The following VWA8 variants were observed in gnomAD, a reference collection of about 807,000 sequenced individuals.
The protein encoded by VWA8 is von Willebrand factor A domain containing 8.
A neutral mutation model predicts 241.5 loss-of-function variants in VWA8; 221 were observed. The ratio of observed to expected loss-of-function variants is 0.91; its 90% CI spans 0.82 to 1.02. The LOEUF (loss-of-function observed/expected upper bound fraction) is 1.02. Ranked by LOEUF, VWA8 falls within the 50% of genes least tolerant of loss-of-function variation. The pLI, the probability that VWA8 is intolerant of heterozygous loss-of-function variation, is 0.00. For synonymous variants in VWA8, 852 were observed against 827.1 expected (o/e 1.03, Z -0.52); for missense variants, 2,322 against 2,328.7 (o/e 1.00, Z 0.06).
At chr13:41,751,272 G>C (rs183894618) in intron 21 of VWA8, among the ~76,000 whole-genome samples, 1 of 152,176 alleles carries the variant, frequency 6.6e-6, no homozygotes, top group African/African-American at 2.4e-5. Flanking sequence ...AAAAAGGGGG[G>C]GCAGTAGAAG....
rs146803754 is a variant in VWA8 at position 41,610,081 on chromosome 13, A to G, written c.4877+1495T>C. Among the ~76,000 whole-genome samples the G allele has an allele frequency of 1.1e-3, 175 of 152,226 alleles. 1 individual carries two copies. The highest frequency in any genetic ancestry group is 3.9e-3 in the African/African-American group (163 of 41,546). ...TGTGTGTGCCAGAACACTCTTATCT[A>G]CCTGTCCACTTGGGCAAAAAATTAG... On this transcript the variant is annotated intron_variant, in intron 39 of 44. Transcript: ENST00000379310.
intron 2 of VWA8, among the ~76,000 whole-genome samples, chr13:41,928,339 C>A (rs896856617): frequency 2.6e-5 from 4 of 152,034 alleles, no homozygotes; most frequent in Non-Finnish European, 5.9e-5. Context: ...CCAAAATTGT[C>A]CATGTTAGGC....
chr13:41,746,070 T>A (rs2045604127), intron 21 of VWA8, among the ~76,000 whole-genome samples: 1 of 152,144 alleles, frequency 6.6e-6, no homozygotes, highest in Non-Finnish European at 1.5e-5. Flanking sequence ...TCAGCTATAA[T>A]TATAGTGTTT....
intron 43 of VWA8, among the ~76,000 whole-genome samples, chr13:41,573,486 A>AAAATATATATATATATATAT: frequency 8.8e-6 from 1 of 113,614 alleles, no homozygotes; most frequent in East Asian, 2.6e-4. Context: ...AAAAAAAAAA[A>AAAATATATATATATATATAT]ATATATATAT....
intron 16 of VWA8, among the ~76,000 whole-genome samples, chr13:41,813,958 C>T (rs1025055657): frequency 4.6e-5 from 7 of 151,930 alleles, no homozygotes; most frequent in African/African-American, 1.5e-4. Context: ...GAGTACACCT[C>T]GAAGGGGTTG....
chr13:41,950,091 TGACCTACA>T, intron 1 of VWA8, 78 bp from the exon 2 acceptor site: 1 of 827,594 alleles, frequency 1.2e-6, no homozygotes, highest in South Asian at 1.9e-5. Flanking sequence ...ATGCTTGTCC[TGACCTACA>T]GAGAGGGATG....
At chr13:41,706,501 A>G (rs997975204) in intron 26 of VWA8, among the ~76,000 whole-genome samples, 2 of 152,214 alleles carry the variant, frequency 1.3e-5, no homozygotes, top group Non-Finnish European at 2.9e-5. Flanking sequence ...TAGGCTGGCC[A>G]AACTGAGGTA....
intron 17 of VWA8, 27 bp from the exon 18 acceptor site, chr13:41,787,570 G>C (rs776962887): frequency 6.8e-7 from 1 of 1,477,204 alleles, no homozygotes; most frequent in Non-Finnish European, 9.4e-7. Context: ...GAGGAAGGGG[G>C]AAATGGCTTA....
intron 5 of VWA8, among the ~76,000 whole-genome samples, chr13:41,890,528 C>G (rs1211855484): frequency 6.6e-6 from 1 of 152,204 alleles, no homozygotes; most frequent in Non-Finnish European, 1.5e-5. Flanking sequence ...TCCCCACATT[C>G]CCTAGTTGTT....
chr13:41,934,244 A>G (rs1877251708), intron 2 of VWA8, among the ~76,000 whole-genome samples: 1 of 151,958 alleles, frequency 6.6e-6, no homozygotes, highest in African/African-American at 2.4e-5. Context: ...TCACTAGGAA[A>G]TGCAATTTAA....
chr13:41,625,236 C>T (rs1417329633), intron 37 of VWA8, among the ~76,000 whole-genome samples: 2 of 152,100 alleles, frequency 1.3e-5, no homozygotes, highest in Non-Finnish European at 2.9e-5. Context: ...CATATGGGAT[C>T]TAACTAAACT....
intron 10 of VWA8, among the ~76,000 whole-genome samples, chr13:41,866,358 A>T (rs7993841): frequency 0.11 from 16,258 of 145,598 alleles, 1,044 homozygotes; most frequent in Non-Finnish European, 0.13. Flanking sequence ...CAAAAAAAAA[A>T]ATATATATAT....
intron 40 of VWA8, among the ~76,000 whole-genome samples, chr13:41,603,988 T>A (rs976695151): frequency 1.3e-5 from 2 of 152,158 alleles, no homozygotes; most frequent in African/African-American, 4.8e-5. Context: ...TGTATCTTAG[T>A]TTTCTATCTC....
At chr13:41,704,462 A>ATTTTT (rs1566421929) in intron 26 of VWA8, among the ~76,000 whole-genome samples, 1 of 149,124 alleles carries the variant, frequency 6.7e-6, no homozygotes, top group Admixed American at 6.7e-5. Flanking sequence ...TTAAGTCTTC[A>ATTTTT]CTTTTTTTTT....
intron 12 of VWA8, among the ~76,000 whole-genome samples, chr13:41,841,736 G>A (rs1455214513): frequency 2.3e-5 from 3 of 129,224 alleles, no homozygotes; most frequent in African/African-American, 9.0e-5. Context: ...AGTGAGCCGA[G>A]ATCGCGCCAC....
At chr13:41,617,082 A>T (rs1927783) in intron 37 of VWA8, among the ~76,000 whole-genome samples, 103,849 of 152,088 alleles carry the variant, frequency 0.68, 36,013 homozygotes, top group South Asian at 0.84. Context: ...AAATTTTTTT[A>T]AAACAAACAG....
Position 41,758,369 on chromosome 13 carries a change from C to CATATATATATAT in VWA8, c.2426+2747_2426+2758dup, listed in dbSNP as rs374621428. On this transcript the variant is annotated intron_variant, in intron 21 of 44. Coordinates refer to ENST00000379310, the MANE Select transcript of VWA8 (RefSeq NM_015058.2). ...TTTTTCCCATTGCTATAGATACTAGCATATATATATATATATATATATACG... is the reference window on the plus strand; with the variant it reads ...TTTTTCCCATTGCTATAGATACTAGCATATATATATATATATATATATATATATATATATACG... Among the ~76,000 whole-genome samples the CATATATATATAT allele has an allele frequency of 1.0e-3, 74 of 72,974 alleles. 3 individuals are homozygous for CATATATATATAT. Among genetic ancestry groups the CATATATATATAT allele is most frequent in the African/African-American group, 2.9e-3 (53 of 18,286 alleles). The allele number at this position is 72,974 out of a possible 152,430, so 47.9% of individuals were successfully genotyped here.
intron 7 of VWA8, among the ~76,000 whole-genome samples, chr13:41,886,505 C>T (rs1479969749): frequency 6.6e-6 from 1 of 152,110 alleles, no homozygotes; most frequent in Non-Finnish European, 1.5e-5. Context: ...TTTATGAAGC[C>T]CTTATAAAGT....
chr13:41,610,790 A>G (rs1049993352), intron 39 of VWA8, among the ~76,000 whole-genome samples: 1 of 152,242 alleles, frequency 6.6e-6, no homozygotes, highest in Non-Finnish European at 1.5e-5. Context: ...TTTCACTTTT[A>G]GTTGAAGCAC....
Sources: allele counts gnomAD v4.1 joint callset (sites outside exome capture counted in the v4.1 genomes callset), GRCh38; gene constraint gnomAD v4.1.1; transcripts MANE v1.5; gene names NCBI Gene and HGNC (gene_info 2026-07-23, HGNC 2026-07-21).